CNTN4: variants seen among roughly 807,000 people sequenced by gnomAD.
CNTN4 encodes the protein contactin 4, also known as contactin-4.
A neutral mutation model predicts 122.5 loss-of-function variants in CNTN4; 77 were observed. That is an observed-to-expected ratio of 0.63 (90% CI 0.52 to 0.76). The LOEUF (loss-of-function observed/expected upper bound fraction) is 0.76, where lower values mean the gene tolerates loss of function less well. CNTN4 is among the 30% of genes least tolerant of loss of function. CNTN4 has a pLI of 0.00. For synonymous variants in CNTN4, 512 were observed against 447.0 expected (o/e 1.15, Z -1.83); for missense variants, 1,256 against 1,259.1 (o/e 1.00, Z 0.04).
At position 2,781,874 on chromosome 3, in the gene CNTN4, G is replaced by A. The variant is rs56132223; in HGVS notation, c.358+36177G>A. Reference sequence around the variant, plus strand: ...CGAGTAGCTGGGACTGCAGGCGCCCGCACCACGCCCGGCTAATTTTTTGTA... The same window carrying A: ...CGAGTAGCTGGGACTGCAGGCGCCCACACCACGCCCGGCTAATTTTTTGTA... On this transcript the variant is annotated intron_variant, in intron 6 of 24. Coordinates refer to ENST00000418658, the MANE Select transcript of CNTN4 (RefSeq NM_175607.3). Among the ~76,000 whole-genome samples, 54 of 50,034 alleles carry A rather than the reference G, an allele frequency of 1.1e-3. 2 individuals carry two copies. The highest frequency in any genetic ancestry group is 1.7e-3 in the Non-Finnish European group (40 of 23,524). The allele number at this position is 50,034 out of a possible 152,430, so 32.8% of individuals were successfully genotyped here.
intron 23 of CNTN4, among the ~76,000 whole-genome samples, chr3:3,050,581 T>C (rs1378625933): frequency 6.6e-6 from 1 of 151,938 alleles, no homozygotes; most frequent in East Asian, 1.9e-4. Context: ...CTGACCAACA[T>C]GGTGAAACCC....
At chr3:2,973,030 GT>G (rs1296499211) in intron 13 of CNTN4, among the ~76,000 whole-genome samples, 2 of 151,984 alleles carry the variant, frequency 1.3e-5, no homozygotes, top group Non-Finnish European at 2.9e-5. Flanking sequence ...GTCCTTAAAT[GT>G]TCTGTCATCA....
chr3:2,224,697 T>C (rs1254727188), intron 2 of CNTN4, among the ~76,000 whole-genome samples: 1 of 152,166 alleles, frequency 6.6e-6, no homozygotes, highest in African/African-American at 2.4e-5. Flanking sequence ...ACAATGCTTC[T>C]AACATCCTAA....
chr3:2,691,832 T>C (rs2149195259), intron 4 of CNTN4, among the ~76,000 whole-genome samples: 1 of 152,364 alleles, frequency 6.6e-6, no homozygotes, highest in East Asian at 1.9e-4. Flanking sequence ...TTTCTCCTGC[T>C]GTTTATAATT....
chr3:2,433,697 G>C (rs1575619569), intron 3 of CNTN4, among the ~76,000 whole-genome samples: 1 of 152,194 alleles, frequency 6.6e-6, no homozygotes. Flanking sequence ...TCTTTGCCCA[G>C]ACCAATGTTG....
chr3:2,741,669 A>C (rs2089464692), intron 5 of CNTN4, among the ~76,000 whole-genome samples: 1 of 152,202 alleles, frequency 6.6e-6, no homozygotes, highest in Non-Finnish European at 1.5e-5. Context: ...TGTTAGGTAC[A>C]CACATGATGA....
At chr3:2,178,632 C>T (rs1265655722) in intron 2 of CNTN4, among the ~76,000 whole-genome samples, 1 of 152,032 alleles carries the variant, frequency 6.6e-6, no homozygotes, top group Non-Finnish European at 1.5e-5. Flanking sequence ...TCCATGTTAA[C>T]TTAATGCAGT....
intron 23 of CNTN4, among the ~76,000 whole-genome samples, chr3:3,051,267 T>C (rs1268058002): frequency 2.0e-5 from 3 of 152,168 alleles, no homozygotes; most frequent in Admixed American, 1.3e-4. Flanking sequence ...TTTCCCCTTG[T>C]CTTCCACCCT....
At chr3:2,303,694 G>C (rs145655206) in intron 2 of CNTN4, among the ~76,000 whole-genome samples, 2 of 152,256 alleles carry the variant, frequency 1.3e-5, no homozygotes, top group African/African-American at 4.8e-5. Flanking sequence ...CTCATACCTT[G>C]CAATTTCAGC....
intron 3 of CNTN4, among the ~76,000 whole-genome samples, chr3:2,501,025 G>C (rs2076580120): frequency 6.6e-6 from 1 of 151,948 alleles, no homozygotes; most frequent in Admixed American, 6.6e-5. Flanking sequence ...ATATCTTTCA[G>C]GTTCTTCCAT....
chr3:2,410,293 A>G (rs1031235433), intron 3 of CNTN4, among the ~76,000 whole-genome samples: 1 of 152,192 alleles, frequency 6.6e-6, no homozygotes, highest in African/African-American at 2.4e-5. Context: ...TGCTGTTGGA[A>G]TAGAACAGAG....
At chr3:2,113,917 A>G (rs1383406943) in intron 2 of CNTN4, among the ~76,000 whole-genome samples, 5 of 152,180 alleles carry the variant, frequency 3.3e-5, no homozygotes, top group Non-Finnish European at 7.3e-5. Context: ...CATCAATGTG[A>G]TTGGTCAGTC....
intron 2 of CNTN4, among the ~76,000 whole-genome samples, chr3:2,112,263 A>T (rs1258050873): frequency 1.3e-5 from 2 of 152,160 alleles, no homozygotes; most frequent in Non-Finnish European, 2.9e-5. Context: ...ACAGAGGAGA[A>T]ATATAAAAAT....
rs552008394 is a variant in CNTN4 at position 2,622,512 on chromosome 3, C to T, written c.55+50954C>T. Among the ~76,000 whole-genome samples, 12 of 152,112 alleles carry T rather than the reference C, an allele frequency of 7.9e-5. No individual in the cohort carries two copies. The South Asian group carries it at 2.5e-3, about 32-fold the overall frequency. On this transcript the variant is annotated intron_variant, in intron 4 of 24. Transcript: ENST00000418658. ...GGACAGGCTGGTCTCGAACTCCTGA[C>T]CTCAGCCCACCTCGGCCTCCCAGAG...
At chr3:2,267,051 T>C (rs553718368) in intron 2 of CNTN4, among the ~76,000 whole-genome samples, 18 of 152,238 alleles carry the variant, frequency 1.2e-4, no homozygotes, top group African/African-American at 4.3e-4. Flanking sequence ...AGAAAGATGG[T>C]GCCAGGGGAA....
intron 13 of CNTN4, among the ~76,000 whole-genome samples, chr3:2,943,590 A>G (rs1190937559): frequency 6.9e-6 from 1 of 144,706 alleles, no homozygotes; most frequent in African/African-American, 2.5e-5. Flanking sequence ...CTCCTAGGTA[A>G]TATATAAATA....
At chr3:2,128,882 G>T (rs552257221) in intron 2 of CNTN4, among the ~76,000 whole-genome samples, 1 of 152,240 alleles carries the variant, frequency 6.6e-6, no homozygotes, top group Non-Finnish European at 1.5e-5. Flanking sequence ...CCTATCAATG[G>T]AAACTTTAAC....
intron 13 of CNTN4, among the ~76,000 whole-genome samples, chr3:2,982,145 A>G (rs114274002): frequency 0.03 from 4,514 of 152,340 alleles, 98 homozygotes; most frequent in Non-Finnish European, 0.044. Context: ...ACAGCTGTGT[A>G]TGAAGAAATG....
chr3:2,877,141 G>A (rs1243858511), intron 8 of CNTN4, among the ~76,000 whole-genome samples: 1 of 152,190 alleles, frequency 6.6e-6, no homozygotes, highest in Non-Finnish European at 1.5e-5. Flanking sequence ...AACAGTTATT[G>A]CCTGCATGTG....
Sources: gnomAD v4.1 joint callset for allele counts (sites outside exome capture counted in the v4.1 genomes callset) on GRCh38, gnomAD v4.1.1 for gene constraint, MANE v1.5 for transcripts, NCBI Gene and HGNC (gene_info 2026-07-23, HGNC 2026-07-21) for gene names.